The following MAGI1 variants were observed in gnomAD, a reference collection of about 807,000 sequenced individuals.
MAGI1 encodes membrane associated guanylate kinase, WW and PDZ domain containing 1, also known as membrane-associated guanylate kinase, WW and PDZ domain-containing protein 1.
In MAGI1, 58 loss-of-function variants were observed where a neutral mutation model predicts 139.9. That is an observed-to-expected ratio of 0.41 (90% CI 0.34 to 0.52). MAGI1 has a LOEUF of 0.52. MAGI1 is among the 20% of genes least tolerant of loss of function. The pLI, the probability that MAGI1 is intolerant of heterozygous loss-of-function variation, is 0.12. For missense variants in MAGI1, 1,874 were observed against 1,901.6 expected (o/e 0.99, Z 0.27); for synonymous variants, 812 against 737.9 (o/e 1.10, Z -1.63).
At position 65,659,694 on chromosome 3, in the gene MAGI1, A is replaced by C. The variant is rs2086085652; in HGVS notation, c.314-37606T>G. On this transcript the variant is annotated intron_variant, in intron 1 of 22. Transcript: ENST00000402939. ...AGTATGTATTTTTCACTTTGCAATA[A>C]ATCTTGCTACTTGAACTATTTTCTG... 2.0e-5 allele frequency among the ~76,000 whole-genome samples: 3 copies of C among 152,106 alleles called. No individual in the cohort carries two copies. In the South Asian group the frequency reaches 6.2e-4, roughly 32 times the overall value.
At chr3:65,974,789 T>C (rs1265310246) in intron 1 of MAGI1, among the ~76,000 whole-genome samples, 1 of 152,038 alleles carries the variant, frequency 6.6e-6, no homozygotes, top group South Asian at 2.1e-4. Flanking sequence ...GAGAGGGAAA[T>C]AGAAAGGATG....
intron 2 of MAGI1, among the ~76,000 whole-genome samples, chr3:65,514,783 A>C (rs2077777368): frequency 6.8e-6 from 1 of 146,178 alleles, no homozygotes; most frequent in South Asian, 2.3e-4. Flanking sequence ...TAGAAATACC[A>C]TTTGACCCAG....
intron 2 of MAGI1, among the ~76,000 whole-genome samples, chr3:65,552,979 C>A (rs187057827): frequency 9.2e-5 from 14 of 152,234 alleles, no homozygotes; most frequent in Admixed American, 8.5e-4. Flanking sequence ...GAGGTTTTTG[C>A]TGATCTGTTC....
intron 1 of MAGI1, among the ~76,000 whole-genome samples, chr3:65,854,754 G>A (rs2059316908): frequency 6.6e-6 from 1 of 152,178 alleles, no homozygotes; most frequent in Admixed American, 6.5e-5. Context: ...TCATCTGGTA[G>A]CACCATGACT....
At chr3:65,509,390 G>A (rs1378519882) in intron 2 of MAGI1, among the ~76,000 whole-genome samples, 1 of 152,182 alleles carries the variant, frequency 6.6e-6, no homozygotes, top group Non-Finnish European at 1.5e-5. Context: ...TCCATCTGAG[G>A]TACCGGGTTT....
Position 65,878,186 on chromosome 3 carries a change from C to CA in MAGI1, c.313+159809dup, listed in dbSNP as rs1347488171. Among the ~76,000 whole-genome samples the CA allele has an allele frequency of 5.3e-5, 8 of 152,010 alleles. No individual in the cohort carries two copies. The East Asian group carries it at 1.4e-3, about 26-fold the overall frequency. ...TGGGCTTTGGCAAAACCTCACCTAACACGGTTTCCAGGCTTCAAGTCAAAA... is the reference window on the plus strand; with the variant it reads ...TGGGCTTTGGCAAAACCTCACCTAACAACGGTTTCCAGGCTTCAAGTCAAAA... On this transcript the variant is annotated intron_variant, in intron 1 of 22. Transcript: ENST00000402939.
intron 13 of MAGI1, among the ~76,000 whole-genome samples, chr3:65,396,697 C>A (rs1056385146): frequency 7.9e-5 from 12 of 152,206 alleles, no homozygotes; most frequent in African/African-American, 2.4e-4. Context: ...GTTCACTTAT[C>A]TGCCAAGAGC....
At chr3:65,988,574 T>C (rs899441721) in intron 1 of MAGI1, among the ~76,000 whole-genome samples, 19 of 152,096 alleles carry the variant, frequency 1.2e-4, no homozygotes, top group African/African-American at 4.1e-4. Context: ...CACAATGAGA[T>C]ACAGTGAAAG....
chr3:65,493,272 T>C (rs563358319), intron 3 of MAGI1, among the ~76,000 whole-genome samples: 8 of 152,232 alleles, frequency 5.3e-5, no homozygotes, highest in South Asian at 2.1e-4. Context: ...CACACCCACA[T>C]ACTTGAATAG....
At chr3:65,481,043 G>A (rs1346151031) in intron 3 of MAGI1, among the ~76,000 whole-genome samples, 1 of 152,144 alleles carries the variant, frequency 6.6e-6, no homozygotes, top group Non-Finnish European at 1.5e-5. Context: ...TTTAAATGCA[G>A]TACATGAAAG....
chr3:65,862,616 C>G (rs13091151), intron 1 of MAGI1, among the ~76,000 whole-genome samples: 2,816 of 152,240 alleles, frequency 0.018, 42 homozygotes, highest in Non-Finnish European at 0.029. Context: ...AATGTGAACT[C>G]AAGTGACATG....
At chr3:65,935,644 A>G (rs1187533190) in intron 1 of MAGI1, among the ~76,000 whole-genome samples, 1 of 152,168 alleles carries the variant, frequency 6.6e-6, no homozygotes, top group African/African-American at 2.4e-5. Context: ...GGTAGAGTCT[A>G]CTACCTCACC....
At chr3:65,514,072 T>C (rs1164002206) in intron 2 of MAGI1, among the ~76,000 whole-genome samples, 1 of 144,912 alleles carries the variant, frequency 6.9e-6, no homozygotes, top group Non-Finnish European at 1.5e-5. Context: ...ATTCCCTATT[T>C]AATAAATGGT....
chr3:65,905,462 C>T (rs1475380469), intron 1 of MAGI1, among the ~76,000 whole-genome samples: 2 of 150,816 alleles, frequency 1.3e-5, no homozygotes, highest in Admixed American at 6.6e-5. Flanking sequence ...GGTGTACACA[C>T]CCTGGGTGAC....
intron 16 of MAGI1, among the ~76,000 whole-genome samples, chr3:65,381,105 C>T (rs373722645): frequency 6.6e-6 from 1 of 152,128 alleles, no homozygotes; most frequent in African/African-American, 2.4e-5. Context: ...GTGGGAGCTG[C>T]ATCCAAAGGT....
chr3:65,399,004 A>G (rs542004282), intron 13 of MAGI1, among the ~76,000 whole-genome samples: 4 of 149,930 alleles, frequency 2.7e-5, no homozygotes, highest in African/African-American at 7.3e-5. Flanking sequence ...AAATCTTAAG[A>G]AAAAAAAAAG....
chr3:65,447,547 T>A (rs1269192303), intron 7 of MAGI1, among the ~76,000 whole-genome samples: 1 of 152,242 alleles, frequency 6.6e-6, no homozygotes, highest in Non-Finnish European at 1.5e-5. Flanking sequence ...AATTCCTCAG[T>A]GACCTTCTTT....
At chr3:65,787,071 G>C (rs991484173) in intron 1 of MAGI1, among the ~76,000 whole-genome samples, 1 of 152,196 alleles carries the variant, frequency 6.6e-6, no homozygotes, top group Non-Finnish European at 1.5e-5. Flanking sequence ...CATGTTTCAA[G>C]GGGTCTGACA....
chr3:65,834,893 C>A (rs1269309216), intron 1 of MAGI1, among the ~76,000 whole-genome samples: 1 of 152,170 alleles, frequency 6.6e-6, no homozygotes, highest in Non-Finnish European at 1.5e-5. Flanking sequence ...GACATTAATA[C>A]AGCCATTACT....
Sources: allele counts gnomAD v4.1 joint callset (sites outside exome capture counted in the v4.1 genomes callset), GRCh38; gene constraint gnomAD v4.1.1; transcripts MANE v1.5; gene names NCBI Gene and HGNC (gene_info 2026-07-23, HGNC 2026-07-21).